DCC: variants seen among roughly 807,000 people sequenced by gnomAD.
DCC encodes the protein DCC netrin 1 receptor.
A neutral mutation model predicts 172.5 loss-of-function variants in DCC; 58 were observed. The observed-to-expected ratio is 0.34, with a 90% CI of 0.27 to 0.42. DCC has a LOEUF of 0.42. Ranked by LOEUF, DCC falls within the 10% of genes least tolerant of loss-of-function variation. The pLI is 1.00. For synonymous variants in DCC, 709 were observed against 644.5 expected, an observed-to-expected ratio of 1.10 and a Z score of -1.52; for missense variants, 1,740 against 1,791.0, an observed-to-expected ratio of 0.97 and a Z score of 0.51.
intron 27 of DCC, among the ~76,000 whole-genome samples, chr18:53,517,642 G>C (rs979583891): frequency 6.6e-6 from 1 of 151,956 alleles, no homozygotes; most frequent in Non-Finnish European, 1.5e-5. Context: ...TTCTTACAAT[G>C]GGAGGAGGAG....
intron 7 of DCC, among the ~76,000 whole-genome samples, chr18:53,148,690 G>T (rs188335525): frequency 6.6e-6 from 1 of 152,134 alleles, no homozygotes; most frequent in African/African-American, 2.4e-5. Flanking sequence ...CAGAAATATG[G>T]AACAATACAA....
chr18:53,218,396 C>T (rs927052577), intron 12 of DCC, among the ~76,000 whole-genome samples: 4 of 152,060 alleles, frequency 2.6e-5, no homozygotes, highest in Admixed American at 2.0e-4. Flanking sequence ...TTTGGTCACC[C>T]GTAAGCCAGT....
At chr18:52,568,868 A>T (rs2144754562) in intron 1 of DCC, among the ~76,000 whole-genome samples, 1 of 152,320 alleles carries the variant, frequency 6.6e-6, no homozygotes, top group East Asian at 1.9e-4. Context: ...GCTTAAAATT[A>T]TTCCAATTTA....
At chr18:53,064,936 A>G (rs2042545657) in intron 6 of DCC, among the ~76,000 whole-genome samples, 1 of 152,110 alleles carries the variant, frequency 6.6e-6, no homozygotes, top group Admixed American at 6.6e-5. Flanking sequence ...ATTTTTTTCT[A>G]CATTTTGAAT....
intron 2 of DCC, among the ~76,000 whole-genome samples, chr18:52,890,534 A>C (rs1225976741): frequency 6.6e-6 from 1 of 152,162 alleles, no homozygotes; most frequent in African/African-American, 2.4e-5. Flanking sequence ...CCCAGATTTA[A>C]GCTTAAAGTT....
intron 18 of DCC, among the ~76,000 whole-genome samples, chr18:53,402,427 GAA>G (rs1236487618): frequency 6.6e-6 from 1 of 151,100 alleles, no homozygotes; most frequent in Non-Finnish European, 1.5e-5. Context: ...TAATAAACTA[GAA>G]AAAGATATGT....
intron 1 of DCC, among the ~76,000 whole-genome samples, chr18:52,501,958 C>G (rs904869279): frequency 6.6e-6 from 1 of 152,088 alleles, no homozygotes; most frequent in Admixed American, 6.6e-5. Context: ...CTCCAGGGCC[C>G]ACAGTTCGTA....
intron 9 of DCC, among the ~76,000 whole-genome samples, chr18:53,181,730 A>T (rs996644025): frequency 6.6e-6 from 1 of 152,180 alleles, no homozygotes; most frequent in Admixed American, 6.5e-5. Flanking sequence ...GTGAGTAATA[A>T]AGCAGCAGTA....
chr18:52,502,470 G>A (rs1028134858), intron 1 of DCC, among the ~76,000 whole-genome samples: 1 of 152,068 alleles, frequency 6.6e-6, no homozygotes, highest in Admixed American at 6.6e-5. Flanking sequence ...CACATTTTCA[G>A]GAAAGATACT....
intron 1 of DCC, among the ~76,000 whole-genome samples, chr18:52,362,421 T>G (rs1256220952): frequency 3.3e-5 from 5 of 152,208 alleles, no homozygotes; most frequent in African/African-American, 9.6e-5. Flanking sequence ...CCACCAGCAT[T>G]GGTTGGTGGC....
intron 2 of DCC, among the ~76,000 whole-genome samples, chr18:52,897,039 G>A (rs1185317748): frequency 6.6e-6 from 1 of 152,146 alleles, no homozygotes; most frequent in East Asian, 1.9e-4. Context: ...GGCTTTGAAG[G>A]CCAGCTAAGA....
At chr18:52,718,681 T>C (rs985088052) in intron 1 of DCC, among the ~76,000 whole-genome samples, 6 of 152,194 alleles carry the variant, frequency 3.9e-5, no homozygotes, top group African/African-American at 1.4e-4. Flanking sequence ...AGGCTGCTTA[T>C]ATCGCAGAGA....
At chr18:53,111,239 G>A (rs1177606095) in intron 7 of DCC, among the ~76,000 whole-genome samples, 1 of 119,254 alleles carries the variant, frequency 8.4e-6, no homozygotes, top group African/African-American at 3.2e-5. Flanking sequence ...TCACACTCTG[G>A]GGACTGTTGT....
chr18:53,135,529 G>A (rs1227365856), intron 7 of DCC, among the ~76,000 whole-genome samples: 1 of 152,132 alleles, frequency 6.6e-6, no homozygotes, highest in Non-Finnish European at 1.5e-5. Context: ...TGCAAGTGTT[G>A]CTGGTAATTC....
At chr18:53,197,269 G>A (rs986696434) in intron 9 of DCC, among the ~76,000 whole-genome samples, 1 of 151,894 alleles carries the variant, frequency 6.6e-6, no homozygotes, top group Non-Finnish European at 1.5e-5. Context: ...TTAAATATAG[G>A]CTCAAGAATC....
chr18:52,444,949 T>G (rs1223825083), intron 1 of DCC, among the ~76,000 whole-genome samples: 2 of 152,202 alleles, frequency 1.3e-5, no homozygotes, highest in African/African-American at 4.8e-5. Flanking sequence ...AAAAATCATG[T>G]GTCTCAATGA....
At chr18:53,040,510 C>T (rs1038187913) in intron 5 of DCC, among the ~76,000 whole-genome samples, 2 of 151,932 alleles carry the variant, frequency 1.3e-5, no homozygotes, top group African/African-American at 4.8e-5. Flanking sequence ...AAGGATTCTG[C>T]ATGTTTAAAA....
chr18:53,039,377 A>C (rs1053293242), intron 5 of DCC, among the ~76,000 whole-genome samples: 2 of 152,074 alleles, frequency 1.3e-5, no homozygotes, highest in Non-Finnish European at 2.9e-5. Context: ...TAAAATGTGA[A>C]TTACAAAACT....
intron 5 of DCC, among the ~76,000 whole-genome samples, chr18:52,974,184 A>T (rs192333952): frequency 2.7e-4 from 41 of 152,308 alleles, no homozygotes; most frequent in African/African-American, 4.8e-5. Context: ...GACAGGCCAG[A>T]TACAAATTTT....
Sources: gnomAD v4.1 joint callset for allele counts (sites outside exome capture counted in the v4.1 genomes callset) on GRCh38, gnomAD v4.1.1 for gene constraint, MANE v1.5 for transcripts, NCBI Gene and HGNC (gene_info 2026-07-23, HGNC 2026-07-21) for gene names.